Variants in XKR4 observed in about 807,000 individuals in gnomAD.
The protein encoded by XKR4 is XK-related protein 4.
In XKR4, 12 loss-of-function variants were observed where a neutral mutation model predicts 53.9. The observed-to-expected ratio is 0.22, with a 90% CI of 0.14 to 0.36. The LOEUF (loss-of-function observed/expected upper bound fraction) is 0.36. Ranked by LOEUF, XKR4 falls within the 10% of genes least tolerant of loss-of-function variation. The pLI, the probability that XKR4 is intolerant of heterozygous loss-of-function variation, is 1.00. For missense variants in XKR4, 799 were observed against 859.5 expected, an observed-to-expected ratio of 0.93 and a Z score of 0.88; for synonymous variants, 354 against 362.4, an observed-to-expected ratio of 0.98 and a Z score of 0.26.
chr8:55,301,816 A>G (rs1321170330), intron 1 of XKR4, among the ~76,000 whole-genome samples: 2 of 152,138 alleles, frequency 1.3e-5, no homozygotes, highest in East Asian at 3.9e-4. Flanking sequence ...GTCTGTTCAT[A>G]TCCTTTGCCC....
intron 1 of XKR4, among the ~76,000 whole-genome samples, chr8:55,265,641 C>G (rs566982613): frequency 1.2e-4 from 19 of 152,122 alleles, no homozygotes; most frequent in Admixed American, 2.0e-4. Flanking sequence ...ATTGCTTGAG[C>G]CTAGGAGCCT....
At chr8:55,471,535 A>G (rs1476788744) in intron 2 of XKR4, among the ~76,000 whole-genome samples, 2 of 152,092 alleles carry the variant, frequency 1.3e-5, no homozygotes, top group Non-Finnish European at 2.9e-5. Flanking sequence ...AAGGCCATGG[A>G]TTTAGAGGAA....
intron 2 of XKR4, among the ~76,000 whole-genome samples, chr8:55,420,702 G>A (rs951855989): frequency 7.3e-5 from 11 of 151,676 alleles, no homozygotes; most frequent in African/African-American, 2.7e-4. Context: ...GAGTTAGTGG[G>A]TGCAGCGCAC....
At chr8:55,314,653 A>G (rs1819438144) in intron 1 of XKR4, among the ~76,000 whole-genome samples, 1 of 152,222 alleles carries the variant, frequency 6.6e-6, no homozygotes, top group South Asian at 2.1e-4. Flanking sequence ...GATTTTTAGC[A>G]TTAAGTATTC....
chr8:55,198,244 TTATC>T (rs557275816), intron 1 of XKR4, among the ~76,000 whole-genome samples: 23 of 152,322 alleles, frequency 1.5e-4, no homozygotes, highest in African/African-American at 5.5e-4. Context: ...GATGGGGATT[TTATC>T]AAAGTAATGA....
intron 1 of XKR4, among the ~76,000 whole-genome samples, chr8:55,180,644 G>A (rs895718618): frequency 5.9e-5 from 9 of 152,210 alleles, no homozygotes; most frequent in Admixed American, 4.6e-4. Context: ...TGATTCTCCT[G>A]CCTCAGCCTC....
intron 1 of XKR4, among the ~76,000 whole-genome samples, chr8:55,261,375 C>A (rs554420285): frequency 6.6e-6 from 1 of 152,300 alleles, no homozygotes. Context: ...CTCAAGATAA[C>A]TTAAAATATG....
chr8:55,529,657 G>A lies in XKR4; in HGVS notation c.*5430G>A, dbSNP rs1272332022. ...CTAGGAAACAGTGGGGCTGAGGGTT[G>A]AGCACAGCTTTCAACAACTGCGACT... On this transcript the variant is annotated 3_prime_UTR_variant, in exon 3 of 3. Coordinates refer to ENST00000327381, the MANE Select transcript of XKR4 (RefSeq NM_052898.2). 6.6e-6 allele frequency: 1 copy of A among 152,204 alleles called. No individual in the cohort carries two copies. Among genetic ancestry groups the A allele is most frequent in the Non-Finnish European group, 1.5e-5 (1 of 68,042 alleles). The allele number at this position is 152,204 out of a possible 1,614,324, so 9.4% of individuals were successfully genotyped here.
chr8:55,130,807 C>T (rs1159007653), intron 1 of XKR4, among the ~76,000 whole-genome samples: 3 of 152,130 alleles, frequency 2.0e-5, no homozygotes, highest in Non-Finnish European at 4.4e-5. Context: ...CCCTGACAAT[C>T]TGAACATAAT....
chr8:55,114,103 C>A (rs1384118974), intron 1 of XKR4, among the ~76,000 whole-genome samples: 1 of 152,140 alleles, frequency 6.6e-6, no homozygotes. Flanking sequence ...AATGGGATTG[C>A]TGGATCAAAT....
At chr8:55,501,917 T>C (rs1363115019) in intron 2 of XKR4, among the ~76,000 whole-genome samples, 2 of 152,136 alleles carry the variant, frequency 1.3e-5, no homozygotes, top group African/African-American at 4.8e-5. Flanking sequence ...CTCAAGTCTC[T>C]TATATAAAAT....
intron 1 of XKR4, among the ~76,000 whole-genome samples, chr8:55,116,294 T>C (rs1349274919): frequency 6.6e-6 from 1 of 152,064 alleles, no homozygotes; most frequent in East Asian, 1.9e-4. Context: ...AAAATTGAAC[T>C]GGGACTCCAG....
chr8:55,478,528 G>T (rs1585596846), intron 2 of XKR4, among the ~76,000 whole-genome samples: 1 of 152,140 alleles, frequency 6.6e-6, no homozygotes, highest in East Asian at 1.9e-4. Flanking sequence ...CATAATGACA[G>T]GACCAACTCC....
chr8:55,500,181 CAAA>C (rs36233927), intron 2 of XKR4, among the ~76,000 whole-genome samples: 3,941 of 115,150 alleles, frequency 0.034, 51 homozygotes, highest in African/African-American at 0.078. Context: ...CAAATTGGGC[CAAA>C]AAAAAAAAAA....
chr8:55,103,875 A>ATATG (rs1816099135), intron 1 of XKR4, among the ~76,000 whole-genome samples: 1 of 143,002 alleles, frequency 7.0e-6, no homozygotes, highest in Non-Finnish European at 1.5e-5. Flanking sequence ...ATATATATAT[A>ATATG]TATATATATA....
At chr8:55,523,141 C>CA (rs35183687) in intron 2 of XKR4, 140 bp from the exon 3 acceptor site, 58,832 of 583,384 alleles carry the variant, frequency 0.1, 617 homozygotes, top group Non-Finnish European at 0.11. Context: ...GACTCTGTCT[C>CA]AAAAAAAAAA....
chr8:55,253,553 G>C (rs1269774360), intron 1 of XKR4, among the ~76,000 whole-genome samples: 3 of 152,128 alleles, frequency 2.0e-5, no homozygotes, highest in Non-Finnish European at 2.9e-5. Flanking sequence ...GCACTGCATA[G>C]ATTGTGTCTT....
intron 1 of XKR4, among the ~76,000 whole-genome samples, chr8:55,335,337 AC>A (rs994994356): frequency 7.2e-5 from 11 of 152,206 alleles, no homozygotes; most frequent in African/African-American, 2.7e-4. Flanking sequence ...TCTTTGAAGT[AC>A]TATGCAGCAG....
At chr8:55,345,719 A>G (rs1585531537) in intron 1 of XKR4, among the ~76,000 whole-genome samples, 1 of 152,144 alleles carries the variant, frequency 6.6e-6, no homozygotes, top group Non-Finnish European at 1.5e-5. Context: ...TTACATGCAC[A>G]CTCATTGCTT....
Sources: gnomAD v4.1 joint callset for allele counts (sites outside exome capture counted in the v4.1 genomes callset) on GRCh38, gnomAD v4.1.1 for gene constraint, MANE v1.5 for transcripts, NCBI Gene and HGNC (gene_info 2026-07-23, HGNC 2026-07-21) for gene names.